Variants in ITSN1 observed in about 807,000 individuals in gnomAD.
The protein encoded by ITSN1 is intersectin-1.
A neutral mutation model predicts 239.8 loss-of-function variants in ITSN1; 58 were observed. That is an observed-to-expected ratio of 0.24 (90% confidence interval 0.20 to 0.30). The LOEUF is 0.30. ITSN1 is among the 10% of genes least tolerant of loss of function. The pLI is 1.00. For missense variants in ITSN1, 1,558 were observed against 2,103.3 expected (o/e 0.74, Z 5.07); for synonymous variants, 780 against 770.8 (o/e 1.01, Z -0.20).
chr21:33,702,134 T>C (rs1438615407), intron 1 of ITSN1, among the ~76,000 whole-genome samples: 2 of 143,128 alleles, frequency 1.4e-5, no homozygotes, highest in African/African-American at 2.7e-5. Context: ...TTTTTTTTTT[T>C]AGACGGAGTC....
At chr21:33,671,649 A>G (rs2090289631) in intron 1 of ITSN1, among the ~76,000 whole-genome samples, 1 of 151,976 alleles carries the variant, frequency 6.6e-6, no homozygotes. Flanking sequence ...CTAAAAATAC[A>G]AAAATTAGCA....
At chr21:33,753,948 T>A (rs1020460092) in intron 7 of ITSN1, among the ~76,000 whole-genome samples, 5 of 152,140 alleles carry the variant, frequency 3.3e-5, no homozygotes, top group African/African-American at 1.2e-4. Context: ...TTTTAATAAC[T>A]TAAATTTCTA....
intron 4 of ITSN1, among the ~76,000 whole-genome samples, chr21:33,730,754 T>C (rs906005239): frequency 3.3e-5 from 5 of 151,404 alleles, no homozygotes; most frequent in African/African-American, 1.2e-4. Context: ...TCACCCAGGC[T>C]GGAGGTGCTA....
At chr21:33,701,070 CCATGTTG>C (rs2091990347) in intron 1 of ITSN1, among the ~76,000 whole-genome samples, 1 of 151,564 alleles carries the variant, frequency 6.6e-6, no homozygotes. Context: ...TGCCACCAAT[CCATGTTG>C]CTGGAGTCAC....
chr21:33,671,620 T>G (rs2090286918), intron 1 of ITSN1, among the ~76,000 whole-genome samples: 1 of 151,914 alleles, frequency 6.6e-6, no homozygotes, highest in African/African-American at 2.4e-5. Flanking sequence ...CTGACCAACA[T>G]GGTGAAACCC....
At chr21:33,661,390 GTAA>G (rs1189016044) in intron 1 of ITSN1, among the ~76,000 whole-genome samples, 1 of 151,912 alleles carries the variant, frequency 6.6e-6, no homozygotes, top group Non-Finnish European at 1.5e-5. Flanking sequence ...ATTTAATAAA[GTAA>G]TAATTTTTCA....
intron 31 of ITSN1, among the ~76,000 whole-genome samples, chr21:33,861,554 T>C (rs1980528226): frequency 6.6e-6 from 1 of 152,180 alleles, no homozygotes; most frequent in Non-Finnish European, 1.5e-5. Context: ...AGCTGAGACC[T>C]GAGAAATGTG....
At chr21:33,849,992 A>G (rs998136842) in intron 29 of ITSN1, among the ~76,000 whole-genome samples, 2 of 152,222 alleles carry the variant, frequency 1.3e-5, no homozygotes, top group African/African-American at 4.8e-5. Context: ...GGGGCCTGGA[A>G]TGAGCTGAAG....
At chr21:33,700,570 T>G (rs2146799713) in intron 1 of ITSN1, among the ~76,000 whole-genome samples, 1 of 152,294 alleles carries the variant, frequency 6.6e-6, no homozygotes, top group Non-Finnish European at 1.5e-5. Context: ...CCTAATCCGT[T>G]TATAAATGTT....
intron 2 of ITSN1, 93 bp from the exon 3 acceptor site, chr21:33,721,085 C>G: frequency 1.3e-6 from 1 of 784,728 alleles, no homozygotes; most frequent in Non-Finnish European, 2.2e-6. Context: ...AATACATTGA[C>G]AGAATCTTGA....
At chr21:33,794,220 A>C (rs1212653604) in intron 16 of ITSN1, 121 bp from the exon 17 acceptor site, 1 of 733,258 alleles carries the variant, frequency 1.4e-6, no homozygotes. Context: ...ACTTTTTCCA[A>C]CTCTGAAACG....
intron 29 of ITSN1, chr21:33,836,883 AATC>A (rs1259559387): frequency 2.3e-6 from 2 of 872,118 alleles, no homozygotes; most frequent in Non-Finnish European, 3.6e-6. Flanking sequence ...TTTTTTTTTA[AATC>A]ATTTTGGCAC....
In ITSN1 at chr21:33,817,255, A is replaced by G. The variant is rs778318911; in HGVS notation, c.2728-1012A>G. 31 of 1,302,846 alleles carry G rather than the reference A, an allele frequency of 2.4e-5. No homozygotes were observed. In the South Asian group the frequency reaches 3.2e-4, roughly 13 times the overall value. The allele number at this position is 1,302,846 out of a possible 1,614,324, so 80.7% of individuals were successfully genotyped here. A position where few individuals can be genotyped will look rare whatever the true frequency, so the allele number is the denominator to read the frequency against. Reference sequence around the variant, plus strand: ...GCCTGACTTCCTCCTCCACCCCTCCATGAGACTAGGCCACATGCAGCCCCG... The same window carrying G: ...GCCTGACTTCCTCCTCCACCCCTCCGTGAGACTAGGCCACATGCAGCCCCG... On this transcript the variant is annotated intron_variant, in intron 22 of 39. Coordinates refer to ENST00000381318, the MANE Select transcript of ITSN1 (RefSeq NM_003024.3).
chr21:33,743,919 C>G (rs2067019646), intron 5 of ITSN1, among the ~76,000 whole-genome samples: 1 of 152,152 alleles, frequency 6.6e-6, no homozygotes, highest in Admixed American at 6.5e-5. Flanking sequence ...AAAAAACAGA[C>G]AAAACGTTAC....
intron 32 of ITSN1, among the ~76,000 whole-genome samples, chr21:33,866,177 C>A (rs1048086223): frequency 6.6e-6 from 1 of 152,210 alleles, no homozygotes; most frequent in African/African-American, 2.4e-5. Context: ...ACAAGCGCAG[C>A]CTCTTCTTGG....
intron 1 of ITSN1, among the ~76,000 whole-genome samples, chr21:33,687,158 C>G (rs766674565): frequency 1.3e-5 from 2 of 151,842 alleles, no homozygotes; most frequent in Non-Finnish European, 1.5e-5. Context: ...ATGGTGAAAC[C>G]CTGTCTTTAC....
chr21:33,808,290 A>T (rs1043812759), intron 20 of ITSN1, among the ~76,000 whole-genome samples: 6 of 151,578 alleles, frequency 4.0e-5, no homozygotes, highest in Non-Finnish European at 7.4e-5. Flanking sequence ...GAGAGAATTT[A>T]AAAAAAATAT....
At chr21:33,836,860 C>T in intron 29 of ITSN1, 1 of 759,540 alleles carries the variant, frequency 1.3e-6, no homozygotes, top group Non-Finnish European at 2.2e-6. Context: ...CCTCCCCTCC[C>T]TCCTTTTTCC....
At chr21:33,835,399 C>G (rs2074543943) in intron 28 of ITSN1, among the ~76,000 whole-genome samples, 1 of 152,110 alleles carries the variant, frequency 6.6e-6, no homozygotes, top group South Asian at 2.1e-4. Flanking sequence ...ATTGAATTAG[C>G]TGGAGAATTT....
Sources: gnomAD v4.1 joint callset for allele counts (sites outside exome capture counted in the v4.1 genomes callset) on GRCh38, gnomAD v4.1.1 for gene constraint, MANE v1.5 for transcripts, NCBI Gene and HGNC (gene_info 2026-07-23, HGNC 2026-07-21) for gene names.